HERC1: variants seen among roughly 807,000 people sequenced by gnomAD.
The protein encoded by HERC1 is probable E3 ubiquitin-protein ligase HERC1.
Under a neutral mutation model 554.3 loss-of-function variants are expected in HERC1, and 160 were observed. That is an observed-to-expected ratio of 0.29 (90% CI 0.25 to 0.33). The LOEUF (loss-of-function observed/expected upper bound fraction) is 0.33, where lower values mean the gene tolerates loss of function less well. Ranked by LOEUF, HERC1 falls within the 10% of genes least tolerant of loss-of-function variation. The pLI is 1.00. For synonymous variants in HERC1, 2,175 were observed against 2,131.7 expected (o/e 1.02, Z -0.56); for missense variants, 4,919 against 5,918.5 (o/e 0.83, Z 5.54).
chr15:63,691,626 C>T (rs1245868104), intron 31 of HERC1, among the ~76,000 whole-genome samples: 1 of 151,296 alleles, frequency 6.6e-6, no homozygotes, highest in African/African-American at 2.4e-5. Context: ...TTAATATAAG[C>T]CTTACCTTAT....
chr15:63,805,340 A>G (rs2077104986), intron 1 of HERC1, among the ~76,000 whole-genome samples: 1 of 152,226 alleles, frequency 6.6e-6, no homozygotes, highest in Non-Finnish European at 1.5e-5. Context: ...GAGATTCAAC[A>G]TGGATGAATC....
chr15:63,697,417 C>G (rs142075179), intron 26 of HERC1, among the ~76,000 whole-genome samples: 1 of 149,544 alleles, frequency 6.7e-6, no homozygotes, highest in African/African-American at 2.5e-5. Context: ...TACACTATAT[C>G]GACATGACTT....
At chr15:63,675,146 A>G in intron 37 of HERC1, 29 bp from the exon 38 acceptor site, 2 of 1,541,852 alleles carry the variant, frequency 1.3e-6, no homozygotes, top group Non-Finnish European at 1.7e-6. Context: ...TGACACAGGA[A>G]GAAGCAAGTG....
At chr15:63,651,441 C>A in intron 52 of HERC1, 61 bp from the exon 53 acceptor site, 4 of 1,518,766 alleles carry the variant, frequency 2.6e-6, no homozygotes, top group Non-Finnish European at 3.6e-6. Context: ...AAATTAAATC[C>A]CAAACCTTAA....
intron 1 of HERC1, among the ~76,000 whole-genome samples, chr15:63,781,071 G>C (rs2076274663): frequency 6.6e-6 from 1 of 152,082 alleles, no homozygotes; most frequent in African/African-American, 2.4e-5. Flanking sequence ...TCATCTGTTA[G>C]GTAATAAATG....
intron 74 of HERC1, among the ~76,000 whole-genome samples, chr15:63,619,870 T>C (rs1204052947): frequency 6.6e-6 from 1 of 152,184 alleles, no homozygotes; most frequent in African/African-American, 2.4e-5. Flanking sequence ...TTGCGTCTAT[T>C]TGATTCTTCT....
intron 25 of HERC1, among the ~76,000 whole-genome samples, chr15:63,701,552 TAAATAA>T (rs1033870848): frequency 2.0e-5 from 3 of 152,162 alleles, no homozygotes; most frequent in African/African-American, 4.8e-5. Context: ...AGCAACCACT[TAAATAA>T]ATGAGTGTGG....
In HERC1 at chr15:63,713,137, A is replaced by C. The variant is rs189220484; in HGVS notation, c.4463+216T>G. 1.1e-3 allele frequency among the ~76,000 whole-genome samples: 172 copies of C among 152,360 alleles called. 1 individual carries two copies. Among genetic ancestry groups the C allele is most frequent in the African/African-American group, 4.1e-3 (170 of 41,578 alleles). ...TCACTGCTGTTGTTTATATATACGA[A>C]AAATTGTGCCTCCTCATTTAATCAG... On this transcript the variant is annotated intron_variant, in intron 23 of 77. Transcript: ENST00000443617.
intron 39 of HERC1, among the ~76,000 whole-genome samples, chr15:63,671,358 T>C (rs2070910347): frequency 6.8e-6 from 1 of 146,814 alleles, no homozygotes. Context: ...AGTGACAGAG[T>C]AAGCAGCTGT....
chr15:63,795,700 G>A (rs1185739035), intron 1 of HERC1, among the ~76,000 whole-genome samples: 2 of 152,232 alleles, frequency 1.3e-5, no homozygotes, highest in African/African-American at 4.8e-5. Flanking sequence ...GGGTATACTC[G>A]CCAGCAGTTC....
chr15:63,633,779 A>G, intron 67 of HERC1, 69 bp downstream of exon 67: 3 of 1,492,246 alleles, frequency 2.0e-6, no homozygotes, highest in Non-Finnish European at 2.7e-6. Context: ...TTTCCAACTA[A>G]TAATAACTAC....
intron 74 of HERC1, among the ~76,000 whole-genome samples, chr15:63,620,830 G>C (rs1472549281): frequency 2.0e-5 from 3 of 151,646 alleles, no homozygotes; most frequent in East Asian, 3.9e-4. Context: ...GCCTTTTTTT[G>C]TTTTCCATTT....
At chr15:63,675,565 C>A (rs1329410802) in intron 37 of HERC1, among the ~76,000 whole-genome samples, 1 of 152,142 alleles carries the variant, frequency 6.6e-6, no homozygotes, top group Non-Finnish European at 1.5e-5. Context: ...TTGATGTAAG[C>A]TATTCAGAAA....
chr15:63,694,645 T>A lies in HERC1; in HGVS notation c.5243-96A>T. 1 of 1,429,462 alleles carries A rather than the reference T, an allele frequency of 7.0e-7. No individual in the cohort carries two copies. Among genetic ancestry groups the A allele is most frequent in the Non-Finnish European group, 9.7e-7 (1 of 1,029,328 alleles). The allele number at this position is 1,429,462 out of a possible 1,614,324, so 88.5% of individuals were successfully genotyped here. A position where few individuals can be genotyped will look rare whatever the true frequency, so the allele number is the denominator to read the frequency against. On this transcript the variant is annotated intron_variant, in intron 28 of 77. Coordinates refer to ENST00000443617, the MANE Select transcript of HERC1 (RefSeq NM_003922.4). This position sits in a 1 kb window ranked among gnomAD's most constrained non-coding sequence, Gnocchi z 4.3. ...CTAAAATATTAATAACATGAAACACTAAATTATTTATTCTTTACCTATAAG... is the reference window on the plus strand; with the variant it reads ...CTAAAATATTAATAACATGAAACACAAAATTATTTATTCTTTACCTATAAG...
In HERC1 at chr15:63,694,650, T is replaced by C; in HGVS notation, c.5243-101A>G. On this transcript the variant is annotated intron_variant, in intron 28 of 77. Coordinates refer to ENST00000443617, the MANE Select transcript of HERC1 (RefSeq NM_003922.4). This position sits in a 1 kb window ranked among gnomAD's most constrained non-coding sequence, Gnocchi z 4.3. ...ATATTAATAACATGAAACACTAAAT[T>C]ATTTATTCTTTACCTATAAGTTTAT... 2.1e-6 allele frequency: 3 copies of C among 1,439,736 alleles called. No individual in the cohort carries two copies. Among genetic ancestry groups the C allele is most frequent in the Non-Finnish European group, 2.9e-6 (3 of 1,036,856 alleles). 89.2% of individuals were successfully genotyped at this position (1,439,736 alleles called of 1,614,324 possible).
chr15:63,609,315 AG>A, intron 77 of HERC1, 49 bp from the exon 78 acceptor site: 1 of 1,526,646 alleles, frequency 6.6e-7, no homozygotes, highest in Non-Finnish European at 8.9e-7. Flanking sequence ...GAGTGCCATA[AG>A]GGGGAGTGGG....
At chr15:63,802,599 G>GT (rs957559152) in intron 1 of HERC1, among the ~76,000 whole-genome samples, 4 of 150,826 alleles carry the variant, frequency 2.7e-5, no homozygotes, top group Non-Finnish European at 5.9e-5. Flanking sequence ...AAAGCCAATT[G>GT]TTTTTTTTCC....
intron 1 of HERC1, among the ~76,000 whole-genome samples, chr15:63,831,359 G>A (rs1342745275): frequency 1.3e-5 from 2 of 152,008 alleles, no homozygotes; most frequent in African/African-American, 2.4e-5. Flanking sequence ...CTCCCACCTC[G>A]GCCTCCCCAA....
chr15:63,645,314 GACA>G (rs1292392582), intron 56 of HERC1, among the ~76,000 whole-genome samples, 166 bp downstream of exon 56: 4 of 152,028 alleles, frequency 2.6e-5, no homozygotes, highest in Admixed American at 6.6e-5. Flanking sequence ...TTTCACACTG[GACA>G]ACTACTACTC....
Sources: gnomAD v4.1 joint callset for allele counts (sites outside exome capture counted in the v4.1 genomes callset) on GRCh38, gnomAD v4.1.1 for gene constraint, Gnocchi (gnomAD v3.1) non-coding constraint, MANE v1.5 for transcripts, NCBI Gene and HGNC (gene_info 2026-07-23, HGNC 2026-07-21) for gene names.